Variants in TIMM23 observed in about 807,000 individuals in gnomAD.
TIMM23 encodes mitochondrial import inner membrane translocase subunit Tim23.
In TIMM23, 19 loss-of-function variants were observed where a neutral mutation model predicts 30.7. That is an observed-to-expected ratio of 0.62 (90% CI 0.43 to 0.91). The LOEUF (loss-of-function observed/expected upper bound fraction) is 0.91. Ranked by LOEUF, TIMM23 falls within the 40% of genes least tolerant of loss-of-function variation. TIMM23 has a pLI of 0.00. For missense variants in TIMM23, 202 were observed against 269.2 expected (o/e 0.75, Z 1.75); for synonymous variants, 78 against 98.5 (o/e 0.79, Z 1.23).
At chr10:45,983,190 T>A (rs1465651188) in intron 4 of TIMM23, among the ~76,000 whole-genome samples, 2 of 152,264 alleles carry the variant, frequency 1.3e-5, no homozygotes, top group African/African-American at 4.8e-5. Context: ...GCTGCACCTG[T>A]TACATTCTCC....
intron 6 of TIMM23, among the ~76,000 whole-genome samples, chr10:45,995,813 A>G (rs1268084778): frequency 1.6e-5 from 2 of 122,226 alleles, no homozygotes; most frequent in African/African-American, 6.7e-5. Flanking sequence ...TTGAAATGCA[A>G]CCTATTTTCA....
At chr10:45,991,956 C>T (rs1554915844) in intron 6 of TIMM23, among the ~76,000 whole-genome samples, 1 of 151,746 alleles carries the variant, frequency 6.6e-6, no homozygotes, top group African/African-American at 2.4e-5. Context: ...ACTAAACTCA[C>T]TAAAATGTTT....
intron 2 of TIMM23, among the ~76,000 whole-genome samples, chr10:45,979,900 G>T (rs1837793920): frequency 6.6e-6 from 1 of 151,464 alleles, no homozygotes; most frequent in African/African-American, 2.4e-5. Context: ...CTTTAATGTT[G>T]AATCTACACT....
At chr10:45,988,005 T>G (rs1554915057) in intron 5 of TIMM23, among the ~76,000 whole-genome samples, 1 of 152,050 alleles carries the variant, frequency 6.6e-6, no homozygotes, top group African/African-American at 2.4e-5. Context: ...GTGCAGGAGC[T>G]TTCATTTCAC....
chr10:46,001,327 T>G (rs1245299613), intron 6 of TIMM23, among the ~76,000 whole-genome samples: 3 of 152,226 alleles, frequency 2.0e-5, no homozygotes, highest in African/African-American at 7.2e-5. Context: ...GGGGTTTTTT[T>G]GGGTTTCTTA....
At chr10:45,993,869 T>C (rs1355573822) in intron 6 of TIMM23, among the ~76,000 whole-genome samples, 1 of 150,334 alleles carries the variant, frequency 6.7e-6, no homozygotes, top group African/African-American at 2.5e-5. Context: ...TGAAATGAAA[T>C]AATGAAATGA....
intron 6 of TIMM23, among the ~76,000 whole-genome samples, chr10:45,999,550 C>A (rs1300811724): frequency 1.3e-5 from 2 of 151,884 alleles, no homozygotes; most frequent in African/African-American, 4.8e-5. Context: ...AGGGAGTGTG[C>A]GAATAGGTGT....
chr10:45,987,853 C>T (rs1354177047), intron 5 of TIMM23, among the ~76,000 whole-genome samples: 2 of 151,976 alleles, frequency 1.3e-5, no homozygotes, highest in East Asian at 3.9e-4. Flanking sequence ...GACTCCTGGG[C>T]TCATGTGATC....
Position 46,002,491 on chromosome 10 carries a change from A to G in TIMM23, c.515-712A>G. 3 of 984,872 alleles carry G rather than the reference A, an allele frequency of 3.0e-6. No individual in the cohort carries two copies. In the South Asian group the frequency reaches 1.4e-4, roughly 46 times the overall value. The allele number at this position is 984,872 out of a possible 1,614,324, so 61.0% of individuals were successfully genotyped here. A position where few individuals can be genotyped will look rare whatever the true frequency, so the allele number is the denominator to read the frequency against. ...GCCGTCACTAATCTTCAAGGTTAAT[A>G]TTTGGAGGACCCATCCAGAGTCCAA... is the stretch of plus-strand genomic sequence containing the variant. On this transcript the variant is annotated intron_variant, in intron 6 of 6. Coordinates refer to ENST00000580018, the MANE Select transcript of TIMM23 (RefSeq NM_006327.4).
chr10:46,002,177 C>A (rs189677769), intron 6 of TIMM23, among the ~76,000 whole-genome samples: 43 of 152,046 alleles, frequency 2.8e-4, no homozygotes, highest in Admixed American at 2.8e-3. Context: ...GTGATTATAG[C>A]TATCTTACCA....
At chr10:45,980,965 A>G (rs1554913910) in intron 2 of TIMM23, among the ~76,000 whole-genome samples, 1 of 125,600 alleles carries the variant, frequency 8.0e-6, no homozygotes, top group East Asian at 2.3e-4. Flanking sequence ...TTGGAGATGG[A>G]GTCTCGCTCT....
At chr10:46,003,075 C>T (rs782484616) in intron 6 of TIMM23, 128 bp from the exon 7 acceptor site, 16 of 665,226 alleles carry the variant, frequency 2.4e-5, no homozygotes, top group Admixed American at 1.6e-4. Context: ...CCTCGGCCTC[C>T]CGAAGTGCTG....
In TIMM23 at chr10:45,982,896, C is replaced by G. The variant is rs1359061963; in HGVS notation, c.310C>G (p.Gln104Glu). ...TCTTCGGCTAGGATTGAAGGAAACCCAGAACATGGCCTGGTCCAAACCAAG... is the reference window on the plus strand; with the variant it reads ...TCTTCGGCTAGGATTGAAGGAAACCGAGAACATGGCCTGGTCCAAACCAAG... ...NGLRLGLKET[Q>E]NMAWSKPRNV... The change falls in exon 4 of 7, where the codon CAG (glutamine) becomes GAG (glutamate). Residue 104 changes from glutamine (Q) to glutamate (E), a missense_variant. Gln to Glu is a conservative substitution (Grantham distance 29). Coordinates refer to ENST00000580018, the MANE Select transcript of TIMM23 (RefSeq NM_006327.4). 2.1e-5 allele frequency: 34 copies of G among 1,613,712 alleles called. No homozygotes were observed. The highest frequency in any genetic ancestry group is 2.7e-5 in the Non-Finnish European group (32 of 1,179,854).
intron 1 of TIMM23, among the ~76,000 whole-genome samples, chr10:45,974,088 T>C (rs1406257159): frequency 1.3e-5 from 2 of 152,082 alleles, no homozygotes; most frequent in Non-Finnish European, 2.9e-5. Context: ...GACCAGGGAA[T>C]GAACACCATT....
chr10:45,985,305 A>G, intron 4 of TIMM23, 78 bp from the exon 5 acceptor site: 3 of 1,581,606 alleles, frequency 1.9e-6, no homozygotes, highest in Non-Finnish European at 2.6e-6. Flanking sequence ...GACATGTTAA[A>G]TAGCCATTAT....
intron 2 of TIMM23, among the ~76,000 whole-genome samples, chr10:45,980,285 C>T (rs1837804196): frequency 6.7e-6 from 1 of 150,038 alleles, no homozygotes; most frequent in Non-Finnish European, 1.5e-5. Context: ...TAATAGTAGA[C>T]ACAGGGTCTC....
chr10:45,997,333 TA>T (rs1222335755), intron 6 of TIMM23, among the ~76,000 whole-genome samples: 144,360 of 152,206 alleles, frequency 0.95, 68,534 homozygotes, highest in East Asian at 1. Context: ...AGGCCATCTA[TA>T]AAAAAAAATG....
Position 45,992,089 on chromosome 10 carries a change from G to C in TIMM23, c.514+3242G>C, listed in dbSNP as rs1328218803. Among the ~76,000 whole-genome samples, 715 of 151,678 alleles carry C rather than the reference G, an allele frequency of 4.7e-3. 5 individuals carry two copies. The highest frequency in any genetic ancestry group is 0.019 in the East Asian group (96 of 5,144). On this transcript the variant is annotated intron_variant, in intron 6 of 6. Coordinates refer to ENST00000580018, the MANE Select transcript of TIMM23 (RefSeq NM_006327.4). ...TCAAGGGATCCTCTCACCTCAGCCTGCCCAGTGGTTCAGACTACAGGTGCA... is the reference window on the plus strand; with the variant it reads ...TCAAGGGATCCTCTCACCTCAGCCTCCCCAGTGGTTCAGACTACAGGTGCA...
At chr10:45,986,159 A>C (rs1239074069) in intron 5 of TIMM23, among the ~76,000 whole-genome samples, 1 of 152,222 alleles carries the variant, frequency 6.6e-6, no homozygotes, top group Non-Finnish European at 1.5e-5. Context: ...AGCGTTTGTT[A>C]TGGCAGGGTA....
Sources: allele counts gnomAD v4.1 joint callset (sites outside exome capture counted in the v4.1 genomes callset), GRCh38; gene constraint gnomAD v4.1.1; transcripts MANE v1.5; gene names NCBI Gene and HGNC (gene_info 2026-07-23, HGNC 2026-07-21).